RSAD2: variants seen among roughly 807,000 people sequenced by gnomAD.
RSAD2 encodes radical S-adenosyl methionine domain containing 2.
In RSAD2, 38 loss-of-function variants were observed where a neutral mutation model predicts 37.7. The ratio of observed to expected loss-of-function variants is 1.01; its 90% CI spans 0.78 to 1.32. RSAD2 has a LOEUF of 1.32. RSAD2 is among the 40% of genes most tolerant of loss of function. RSAD2 has a pLI of 0.00. For synonymous variants in RSAD2, 163 were observed against 157.4 expected, an observed-to-expected ratio of 1.04 and a Z score of -0.27; for missense variants, 428 against 437.5, an observed-to-expected ratio of 0.98 and a Z score of 0.19.
intron 3 of RSAD2, among the ~76,000 whole-genome samples, chr2:6,887,934 T>C (rs1282768254): frequency 6.6e-6 from 1 of 152,150 alleles, no homozygotes; most frequent in Non-Finnish European, 1.5e-5. Context: ...CAAAAAGAGA[T>C]GTGGGAAAAG....
rs911754005 is a variant in RSAD2, at chr2:6,890,429, G to A, written c.888+104G>A. The A allele has an allele frequency of 4.0e-6, 5 of 1,263,162 alleles. No homozygotes were observed. The African/African-American group carries it at 7.5e-5, about 19-fold the overall frequency. The allele number at this position is 1,263,162 out of a possible 1,614,324, so 78.2% of individuals were successfully genotyped here. A position where few individuals can be genotyped will look rare whatever the true frequency, so the allele number is the denominator to read the frequency against. ...ACCCCACACATTGTTATTTTAGAGGGTTCGGTGGTGAGAAATGGGAGGAAT... is the reference window on the plus strand; with the variant it reads ...ACCCCACACATTGTTATTTTAGAGGATTCGGTGGTGAGAAATGGGAGGAAT... On this transcript the variant is annotated intron_variant, in intron 4 of 5. Coordinates refer to ENST00000382040, the MANE Select transcript of RSAD2 (RefSeq NM_080657.5).
In RSAD2 at chr2:6,887,532, G is replaced by A. The variant is rs113929835; in HGVS notation, c.738+368G>A. 3.6e-3 allele frequency among the ~76,000 whole-genome samples: 551 copies of A among 152,248 alleles called. 2 individuals are homozygous for A. The highest frequency in any genetic ancestry group is 5.5e-3 in the Non-Finnish European group (373 of 68,014). The stretch of plus-strand genomic sequence containing the variant: ...CTTGGCTTATGGATGGACAGATACC[G>A]GTTCCTCATAAATTCTGATGCAGTG... On this transcript the variant is annotated intron_variant, in intron 3 of 5. Coordinates refer to ENST00000382040, the MANE Select transcript of RSAD2 (RefSeq NM_080657.5).
chr2:6,895,828 C>T lies in RSAD2; in HGVS notation c.972C>T (p.Ile324=), dbSNP rs1365555024. Residue 324 remains isoleucine, a synonymous_variant, in exon 6 of 6, where the codon ATC becomes ATT. Coordinates refer to ENST00000382040, the MANE Select transcript of RSAD2 (RefSeq NM_080657.5). The stretch of plus-strand genomic sequence containing the variant: ...GACGGAAGGACCCTTCCAAGTCCAT[C>T]CTGGATGTTGGTGTAGAAGAAGCTA... ...RKGRKDPSKS[I]LDVGVEEAIK... 8 of 1,614,112 alleles carry T rather than the reference C, an allele frequency of 5.0e-6. No individual in the cohort carries two copies. The highest frequency in any genetic ancestry group is 6.8e-6 in the Non-Finnish European group (8 of 1,179,988).
At position 6,895,930 on chromosome 2, in the gene RSAD2, G is replaced by T. The variant is rs1299853872; in HGVS notation, c.1074G>T (p.Lys358Asn). Residue 358 changes from lysine to asparagine, a missense_variant, in exon 6 of 6, where the codon AAG becomes AAT. Lys to Asn is a moderately conservative substitution (Grantham distance 94, BLOSUM62 0). Transcript: ENST00000382040. ...GKYIWSKADL[K>N]LDW ...ACATATGGAGTAAGGCTGATCTGAAGCTGGATTGGTAGAGCGGAAAGTGGA... is the reference window on the plus strand; with the variant it reads ...ACATATGGAGTAAGGCTGATCTGAATCTGGATTGGTAGAGCGGAAAGTGGA... The T allele has an allele frequency of 1.2e-6, 2 of 1,613,842 alleles. No homozygotes were observed. The highest frequency in any genetic ancestry group is 1.7e-6 in the Non-Finnish European group (2 of 1,179,804).
rs1216020779 is a variant in RSAD2 at position 6,895,875 on chromosome 2, A to G, written c.1019A>G (p.Glu340Gly). The G allele has an allele frequency of 1.2e-6, 2 of 1,614,192 alleles. No homozygotes were observed. The highest frequency in any genetic ancestry group is 8.5e-7 in the Non-Finnish European group (1 of 1,180,010). ...GCTATAAAATTCAGTGGATTTGATGAAAAGATGTTTCTGAAGCGAGGAGGA... is the reference window on the plus strand; with the variant it reads ...GCTATAAAATTCAGTGGATTTGATGGAAAGATGTTTCTGAAGCGAGGAGGA... ...EEAIKFSGFD[E>G]KMFLKRGGKY... is the part of the protein sequence containing the mutation. Residue 340 changes from glutamate to glycine, a missense_variant, in exon 6 of 6, where the codon GAA (glutamate) becomes GGA (glycine). Coordinates refer to ENST00000382040, the MANE Select transcript of RSAD2 (RefSeq NM_080657.5).
intron 3 of RSAD2, among the ~76,000 whole-genome samples, chr2:6,887,397 T>C (rs1297857705): frequency 6.6e-6 from 1 of 152,232 alleles, no homozygotes; most frequent in Non-Finnish European, 1.5e-5. Flanking sequence ...GAAAACATGA[T>C]ATGATTTCCT....
rs2305256 is a variant in RSAD2, at chr2:6,877,890, G to A, written c.90G>A (p.Pro30=). 1.8e-3 allele frequency: 2,982 copies of A among 1,614,090 alleles called. 50 individuals carry two copies. The Admixed American group carries it at 0.028, about 15-fold the overall frequency. The part of the protein sequence containing the change: ...PLSSLWRSLV[P]LFCWLRATFW... The stretch of plus-strand genomic sequence containing the variant: ...GCTCTCTGTGGAGGAGCCTGGTCCC[G>A]CTGTTCTGCTGGCTGAGGGCAACCT... The change falls in exon 1 of 6, where the codon CCG becomes CCA. Residue 30 remains proline (P), a synonymous_variant. Coordinates refer to ENST00000382040, the MANE Select transcript of RSAD2 (RefSeq NM_080657.5).
upstream of RSAD2, chr2:6,876,883 GCTT>G (rs1193024521): frequency 6.6e-6 from 1 of 152,120 alleles, no homozygotes; most frequent in Non-Finnish European, 1.5e-5. Flanking sequence ...AAATAAAGTC[GCTT>G]ACTCAGTCAC....
intron 5 of RSAD2, among the ~76,000 whole-genome samples, chr2:6,894,220 C>T (rs1429117085): frequency 6.6e-6 from 1 of 152,188 alleles, no homozygotes; most frequent in Admixed American, 6.5e-5. Context: ...TTCCTACCCC[C>T]ACTGCCTTCC....
chr2:6,892,742 CTGA>C (rs112508548), intron 4 of RSAD2, among the ~76,000 whole-genome samples: 4,691 of 152,312 alleles, frequency 0.031, 107 homozygotes, highest in South Asian at 0.099. Flanking sequence ...CCAGATGATG[CTGA>C]TGCTACTGGT....
intron 5 of RSAD2, 76 bp downstream of exon 5, chr2:6,893,779 A>G: frequency 9.9e-7 from 1 of 1,006,732 alleles, no homozygotes; most frequent in Non-Finnish European, 1.6e-6. Flanking sequence ...GAGTTCCATG[A>G]GCATAACTAT....
chr2:6,881,560 A>G (rs971509162), intron 1 of RSAD2, among the ~76,000 whole-genome samples: 1 of 152,236 alleles, frequency 6.6e-6, no homozygotes, highest in African/African-American at 2.4e-5. Context: ...GGGTTATTTA[A>G]GGGTTGAAAG....
intron 1 of RSAD2, among the ~76,000 whole-genome samples, chr2:6,869,347 C>T (rs142782327): frequency 3.1e-4 from 47 of 151,976 alleles, no homozygotes; most frequent in Admixed American, 9.8e-4. Flanking sequence ...GGTCTTGAGA[C>T]ATCCACACAT....
chr2:6,892,257 G>A (rs1318097372), intron 4 of RSAD2, among the ~76,000 whole-genome samples: 1 of 152,136 alleles, frequency 6.6e-6, no homozygotes, highest in Non-Finnish European at 1.5e-5. Context: ...TAGGTAAATG[G>A]TTCAAGTTTA....
At position 6,890,050 on chromosome 2, in the gene RSAD2, A is replaced by G. The variant is rs1005172968; in HGVS notation, c.739-126A>G. On this transcript the variant is annotated intron_variant, in intron 3 of 5. Transcript: ENST00000382040. ...CATTTCCCCAAAGTAATATCTTTCT[A>G]GAATGTTCCTCAGCTCGTAGAGTCT... 1.5e-5 allele frequency: 12 copies of G among 826,298 alleles called. No homozygotes were observed. The South Asian group carries it at 1.7e-4, about 12-fold the overall frequency. The allele number at this position is 826,298 out of a possible 1,614,324, so 51.2% of individuals were successfully genotyped here.
intron 1 of RSAD2, among the ~76,000 whole-genome samples, chr2:6,881,258 A>G (rs1192101348): frequency 6.6e-6 from 1 of 152,202 alleles, no homozygotes; most frequent in Admixed American, 6.5e-5. Flanking sequence ...TCCCAGCATG[A>G]TGGATTATAA....
In RSAD2 at chr2:6,895,847, G is replaced by A. The variant is rs1393647190; in HGVS notation, c.991G>A (p.Glu331Lys). Residue 331 changes from glutamate to lysine, a missense_variant, in exon 6 of 6, where the codon GAA (glutamate) becomes AAA (lysine). Coordinates refer to ENST00000382040, the MANE Select transcript of RSAD2 (RefSeq NM_080657.5). ...SKSILDVGVEEAIKFSGFDEK... is the reference protein window; with the variant it reads ...SKSILDVGVEKAIKFSGFDEK... The stretch of plus-strand genomic sequence containing the variant: ...GTCCATCCTGGATGTTGGTGTAGAA[G>A]AAGCTATAAAATTCAGTGGATTTGA... The A allele has an allele frequency of 3.1e-6, 5 of 1,614,066 alleles. No homozygotes were observed. The Admixed American group carries it at 6.7e-5, about 22-fold the overall frequency.
At chr2:6,869,319 A>G (rs1220037623) in intron 1 of RSAD2, among the ~76,000 whole-genome samples, 1 of 152,186 alleles carries the variant, frequency 6.6e-6, no homozygotes, top group Non-Finnish European at 1.5e-5. Flanking sequence ...CTGTTTGTGA[A>G]TTATCAAGCA....
upstream of RSAD2, among the ~76,000 whole-genome samples, chr2:6,876,056 T>A (rs1462168137): frequency 2.0e-5 from 3 of 152,166 alleles, no homozygotes; most frequent in Admixed American, 6.5e-5. Context: ...GACTATCTCC[T>A]CCCTGCACAG....
Sources: allele counts gnomAD v4.1 joint callset (sites outside exome capture counted in the v4.1 genomes callset), GRCh38; gene constraint gnomAD v4.1.1; transcripts MANE v1.5; gene names NCBI Gene and HGNC (gene_info 2026-07-23, HGNC 2026-07-21).